Variants in TRPM1 observed in about 807,000 individuals in gnomAD.
TRPM1 encodes the protein TRPM1-203 APA Isoform, Intron 10.
TRPM1 carries 113 observed loss-of-function variants against 149.4 expected under a neutral mutation model. That is an observed-to-expected ratio of 0.76 (90% CI 0.65 to 0.88). TRPM1 has a LOEUF of 0.88. Ranked by LOEUF, TRPM1 falls within the 40% of genes least tolerant of loss-of-function variation. TRPM1 has a pLI of 0.00. For synonymous variants in TRPM1, 741 were observed against 759.5 expected, an observed-to-expected ratio of 0.98 and a Z score of 0.40; for missense variants, 1,976 against 2,038.7, an observed-to-expected ratio of 0.97 and a Z score of 0.59.
At chr15:31,012,813 T>C (rs1361785955) in intron 27 of TRPM1, among the ~76,000 whole-genome samples, 1 of 152,108 alleles carries the variant, frequency 6.6e-6, no homozygotes, top group African/African-American at 2.4e-5. Flanking sequence ...CCTCCCCCTG[T>C]TCCTTAGACT....
chr15:31,065,132 G>C (rs1483320514), intron 7 of TRPM1: 2 of 534,626 alleles, frequency 3.7e-6, no homozygotes, highest in South Asian at 2.8e-5. Flanking sequence ...CAAGTCACAT[G>C]GCCAGGTGAA....
intron 2 of TRPM1, among the ~76,000 whole-genome samples, chr15:31,080,069 C>G (rs967150799): frequency 5.9e-5 from 9 of 152,048 alleles, no homozygotes; most frequent in African/African-American, 1.7e-4. Flanking sequence ...CCCATGGGTC[C>G]ACACTGATAT....
intron 1 of TRPM1, among the ~76,000 whole-genome samples, chr15:31,137,710 T>C (rs960202343): frequency 1.3e-5 from 2 of 152,224 alleles, no homozygotes; most frequent in East Asian, 1.9e-4. Context: ...CTCTCTATCC[T>C]ATTTTGCCTA....
At chr15:31,092,101 C>A (rs1374778428) in intron 1 of TRPM1, among the ~76,000 whole-genome samples, 1 of 84,100 alleles carries the variant, frequency 1.2e-5, no homozygotes. Context: ...ACTGAGGAGG[C>A]TCTTGAGGGG....
chr15:31,105,445 G>C (rs770883321), upstream of TRPM1, among the ~76,000 whole-genome samples: 143 of 44,680 alleles, frequency 3.2e-3, 1 homozygote, highest in Admixed American at 5.4e-3. Flanking sequence ...CTGTGTGTGT[G>C]TGTGTGTGTG....
rs571522977 is a variant in TRPM1 at position 31,096,727 on chromosome 15, C to A, written c.-84+4930G>T. ...CCACAGGTAGTACCCTCTCCTTTCC[C>A]GATGTTCTCTGTCCTTTGCTACCCA... On this transcript the variant is annotated intron_variant, in intron 1 of 27. Transcript: ENST00000256552. Among the ~76,000 whole-genome samples the A allele has an allele frequency of 9.5e-4, 144 of 152,312 alleles. 1 individual carries two copies. In the South Asian group the frequency reaches 0.029, roughly 31 times the overall value.
At chr15:31,047,630 G>T (rs1247531403) in intron 14 of TRPM1, among the ~76,000 whole-genome samples, 1 of 152,204 alleles carries the variant, frequency 6.6e-6, no homozygotes, top group Non-Finnish European at 1.5e-5. Flanking sequence ...CCACCCAGTG[G>T]CCGCCCTGGC....
intron 1 of TRPM1, among the ~76,000 whole-genome samples, chr15:31,090,649 GAAA>G (rs1179841797): frequency 2.3e-5 from 3 of 131,576 alleles, no homozygotes; most frequent in Non-Finnish European, 3.3e-5. Flanking sequence ...AAACAAAAAA[GAAA>G]AAAAAAAAAG....
rs1595990166 is a variant in TRPM1, at chr15:31,028,318, G to A, written c.3293+14C>T. On this transcript the variant is annotated intron_variant, in intron 25 of 27. Coordinates refer to ENST00000256552, the MANE Select transcript of TRPM1 (RefSeq NM_001252024.2). ...ATAAATAATAAGCATGTGGTCATCGGCTGTGACACGTACTTGAACACAGCA... is the reference window on the plus strand; with the variant it reads ...ATAAATAATAAGCATGTGGTCATCGACTGTGACACGTACTTGAACACAGCA... The A allele has an allele frequency of 3.7e-6, 6 of 1,614,040 alleles. No individual in the cohort carries two copies. Among genetic ancestry groups the A allele is most frequent in the Non-Finnish European group, 5.1e-6 (6 of 1,179,970 alleles).
chr15:31,063,335 A>G, intron 7 of TRPM1, 43 bp from the exon 8 acceptor site: 1 of 1,613,642 alleles, frequency 6.2e-7, no homozygotes, highest in Non-Finnish European at 8.5e-7. Context: ...TGTGCCCTGC[A>G]CTGTCCACCC....
In TRPM1 at chr15:31,088,394, T is replaced by C. The variant is rs2035066529; in HGVS notation, c.-83-6956A>G. The stretch of plus-strand genomic sequence containing the variant: ...CTCCCTTGGCAATAAATGTTATTGC[T>C]GCAAGCAGAAAGTGTCTGGGTTGGC... On this transcript the variant is annotated intron_variant, in intron 1 of 27. Coordinates refer to ENST00000256552, the MANE Select transcript of TRPM1 (RefSeq NM_001252024.2). Among the ~76,000 whole-genome samples the C allele has an allele frequency of 3.3e-5, 5 of 152,332 alleles. 1 individual carries two copies. The South Asian group carries it at 1.0e-3, about 32-fold the overall frequency.
intron 9 of TRPM1, among the ~76,000 whole-genome samples, 153 bp from the exon 10 acceptor site, chr15:31,061,667 CTTTTCTTTTTCTT>C: frequency 6.6e-6 from 1 of 150,962 alleles, no homozygotes; most frequent in African/African-American, 2.4e-5. Flanking sequence ...TCTTTTTTTT[CTTTTCTTTTTCTT>C]TTTTCTTTTT....
intron 1 of TRPM1, among the ~76,000 whole-genome samples, chr15:31,121,595 AAC>A (rs1238776317): frequency 6.6e-6 from 1 of 152,214 alleles, no homozygotes; most frequent in Non-Finnish European, 1.5e-5. Context: ...AATTCCTTGA[AAC>A]ACACAATCTT....
At chr15:31,119,218 G>A (rs182905887) in intron 1 of TRPM1, among the ~76,000 whole-genome samples, 15 of 151,014 alleles carry the variant, frequency 9.9e-5, no homozygotes, top group Admixed American at 5.3e-4. Context: ...TCCAGCCTGG[G>A]CAACAAGAGT....
Position 31,002,495 on chromosome 15 carries a change from C to G in TRPM1, c.4205G>C (p.Ser1402Thr). 1 of 1,614,100 alleles carries G rather than the reference C, an allele frequency of 6.2e-7. No homozygotes were observed. Among genetic ancestry groups the G allele is most frequent in the Non-Finnish European group, 8.5e-7 (1 of 1,180,022 alleles). Reference sequence around the variant, plus strand: ...ATGTATCACATCTGTTTTATTTAAACTTGGGGAAATAGTTTCTTCTTTTTT... The same window carrying G: ...ATGTATCACATCTGTTTTATTTAAAGTTGGGGAAATAGTTTCTTCTTTTTT... The part of the protein sequence containing the change: ...DSKKEETISP[S>T]LNKTDVIHGQ... Residue 1402 changes from serine to threonine, a missense_variant, in exon 28 of 28, where the codon AGT becomes ACT. Around this residue, in one of 3 missense-constraint regions of TRPM1, gnomAD observed 572 missense variants for 578.9 expected, o/e 0.99. Transcript: ENST00000256552.
intron 3 of TRPM1, among the ~76,000 whole-genome samples, chr15:31,072,070 T>C (rs1341569381): frequency 1.4e-5 from 2 of 141,742 alleles, no homozygotes; most frequent in African/African-American, 5.4e-5. Context: ...TTTTTAGTAT[T>C]GACAGATATG....
intron 1 of TRPM1, among the ~76,000 whole-genome samples, chr15:31,125,259 A>G (rs539824310): frequency 2.0e-5 from 3 of 152,340 alleles, no homozygotes; most frequent in African/African-American, 7.2e-5. Context: ...TCTGGGCTTC[A>G]GTTAATAGTA....
intron 1 of TRPM1, among the ~76,000 whole-genome samples, chr15:31,119,347 T>C (rs2035845939): frequency 6.6e-6 from 1 of 151,480 alleles, no homozygotes; most frequent in Non-Finnish European, 1.5e-5. Context: ...AAGAAGAAAA[T>C]GAGAAGAAAT....
At chr15:31,026,427 G>T (rs1489072740) in intron 26 of TRPM1, 156 bp from the exon 27 acceptor site, 2 of 946,632 alleles carry the variant, frequency 2.1e-6, no homozygotes, top group African/African-American at 3.2e-5. Flanking sequence ...TCTAAAAAGG[G>T]GTTGTCATAC....
Sources: allele counts gnomAD v4.1 joint callset (sites outside exome capture counted in the v4.1 genomes callset), GRCh38; gene constraint gnomAD v4.1.1; regional missense constraint gnomAD v4.1.1; transcripts MANE v1.5; gene names NCBI Gene and HGNC (gene_info 2026-07-23, HGNC 2026-07-21).